The following CTIF variants were observed in gnomAD, a reference collection of about 807,000 sequenced individuals.
CTIF encodes the protein CBP80/20-dependent translation initiation factor.
A neutral mutation model predicts 66.0 loss-of-function variants in CTIF; 21 were observed. That is an observed-to-expected ratio of 0.32 (90% CI 0.23 to 0.46). The LOEUF (loss-of-function observed/expected upper bound fraction) is 0.46. CTIF is among the 20% of genes least tolerant of loss of function. CTIF has a pLI of 1.00. For synonymous variants in CTIF, 345 were observed against 326.4 expected, an observed-to-expected ratio of 1.06 and a Z score of -0.62; for missense variants, 739 against 812.7, an observed-to-expected ratio of 0.91 and a Z score of 1.10.
At chr18:48,554,563 C>T (rs8091762) in intron 1 of CTIF, among the ~76,000 whole-genome samples, 6,291 of 152,316 alleles carry the variant, frequency 0.041, 443 homozygotes, top group African/African-American at 0.14. Context: ...GCAGGATCCA[C>T]GATGGAGGAG....
intron 9 of CTIF, among the ~76,000 whole-genome samples, chr18:48,768,402 G>C (rs1397642467): frequency 1.3e-5 from 2 of 152,138 alleles, no homozygotes; most frequent in Non-Finnish European, 2.9e-5. Flanking sequence ...ATGCTCTCTG[G>C]GGCATGAGGG....
chr18:48,761,707 A>G lies in CTIF; in HGVS notation c.1371+18A>G. 5 of 1,597,048 alleles carry G rather than the reference A, an allele frequency of 3.1e-6. No homozygotes were observed. Among genetic ancestry groups the G allele is most frequent in the Non-Finnish European group, 4.3e-6 (5 of 1,168,256 alleles). On this transcript the variant is annotated intron_variant, in intron 9 of 11. Coordinates refer to ENST00000256413, the MANE Select transcript of CTIF (RefSeq NM_014772.3). This position sits in a 1 kb window ranked among gnomAD's most constrained non-coding sequence, Gnocchi z 4.2. ...TGCTGCAGGTAACTGGACGCCGGCC[A>G]CCACCGCCCCGCGCCCCCTGCCCCT...
intron 2 of CTIF, among the ~76,000 whole-genome samples, chr18:48,632,403 T>C (rs1386074652): frequency 1.3e-5 from 2 of 152,174 alleles, no homozygotes; most frequent in African/African-American, 4.8e-5. Flanking sequence ...GGAATGAGGC[T>C]CTGTGGACTC....
At chr18:48,732,297 G>A (rs1267374373) in intron 7 of CTIF, among the ~76,000 whole-genome samples, 1 of 152,144 alleles carries the variant, frequency 6.6e-6, no homozygotes, top group Non-Finnish European at 1.5e-5. Context: ...ATGCCTCAGG[G>A]GTAACAGAAG....
At chr18:48,584,793 G>A (rs1348719186) in intron 1 of CTIF, among the ~76,000 whole-genome samples, 1 of 152,202 alleles carries the variant, frequency 6.6e-6, no homozygotes, top group East Asian at 1.9e-4. Context: ...TACAAACTGT[G>A]CTTCCTTTAG....
At chr18:48,835,084 G>C (rs2068780001) in intron 10 of CTIF, among the ~76,000 whole-genome samples, 1 of 152,230 alleles carries the variant, frequency 6.6e-6, no homozygotes, top group Non-Finnish European at 1.5e-5. Flanking sequence ...TACTGCCTGG[G>C]ACTTGAAACA....
chr18:48,666,324 G>A (rs753247776), intron 5 of CTIF, among the ~76,000 whole-genome samples: 73 of 152,172 alleles, frequency 4.8e-4, no homozygotes, highest in Non-Finnish European at 2.4e-4. Flanking sequence ...GGCAACATTG[G>A]TCCCATCATA....
At chr18:48,792,213 G>A (rs893369161) in intron 9 of CTIF, among the ~76,000 whole-genome samples, 46 of 152,202 alleles carry the variant, frequency 3.0e-4, no homozygotes, top group Admixed American at 1.8e-3. Context: ...GACCTGGGGA[G>A]CATCCTGGTC....
chr18:48,599,050 C>T (rs2090040226), intron 1 of CTIF, among the ~76,000 whole-genome samples: 1 of 152,150 alleles, frequency 6.6e-6, no homozygotes, highest in Non-Finnish European at 1.5e-5. Flanking sequence ...GAGGACTGCC[C>T]ACCCGACGGG....
At chr18:48,648,243 T>G (rs771863662) in intron 3 of CTIF, among the ~76,000 whole-genome samples, 4 of 152,102 alleles carry the variant, frequency 2.6e-5, no homozygotes, top group Non-Finnish European at 5.9e-5. Context: ...CTTTGGGTCT[T>G]AATTCAAAGA....
intron 7 of CTIF, among the ~76,000 whole-genome samples, chr18:48,728,045 G>A (rs2092400515): frequency 6.6e-6 from 1 of 152,110 alleles, no homozygotes; most frequent in South Asian, 2.1e-4. Flanking sequence ...GCAGGACCCT[G>A]GCTAAAAACT....
intron 5 of CTIF, among the ~76,000 whole-genome samples, 200 bp downstream of exon 5, chr18:48,664,751 A>C (rs1262289914): frequency 1.3e-5 from 2 of 151,742 alleles, no homozygotes; most frequent in Non-Finnish European, 2.9e-5. Flanking sequence ...AGCCCCCTCT[A>C]GCCATGCCAT....
chr18:48,671,051 T>G (rs1004859838), intron 6 of CTIF, among the ~76,000 whole-genome samples: 2 of 152,198 alleles, frequency 1.3e-5, no homozygotes, highest in Non-Finnish European at 2.9e-5. Flanking sequence ...TCCCTTGGCC[T>G]GAAACCTCTC....
chr18:48,652,282 T>C (rs1231587886), intron 3 of CTIF, among the ~76,000 whole-genome samples: 2 of 151,326 alleles, frequency 1.3e-5, no homozygotes, highest in African/African-American at 2.4e-5. Context: ...ATAGATGCAA[T>C]AAAAAATGAT....
chr18:48,623,479 T>A (rs1398071172), intron 2 of CTIF, among the ~76,000 whole-genome samples: 2 of 151,468 alleles, frequency 1.3e-5, no homozygotes, highest in Admixed American at 1.3e-4. Context: ...AGATACTTTT[T>A]AAAAAAATTC....
chr18:48,649,433 A>T (rs868126096), intron 3 of CTIF, among the ~76,000 whole-genome samples: 3 of 152,230 alleles, frequency 2.0e-5, no homozygotes, highest in African/African-American at 7.2e-5. Context: ...TTGAGTAGGT[A>T]AACAGAGCAG....
intron 7 of CTIF, among the ~76,000 whole-genome samples, chr18:48,732,842 G>A (rs1013472542): frequency 3.3e-5 from 5 of 152,234 alleles, no homozygotes; most frequent in African/African-American, 1.2e-4. Context: ...TGCAAGGCAG[G>A]AGGAGGCACA....
intron 2 of CTIF, among the ~76,000 whole-genome samples, chr18:48,622,838 C>T (rs1046419040): frequency 1.1e-4 from 17 of 152,146 alleles, no homozygotes; most frequent in African/African-American, 3.9e-4. Flanking sequence ...TGGCTGGGTA[C>T]CCCCTGTTGT....
At chr18:48,693,453 C>T (rs1407523607) in intron 6 of CTIF, among the ~76,000 whole-genome samples, 2 of 152,188 alleles carry the variant, frequency 1.3e-5, no homozygotes, top group African/African-American at 2.4e-5. Context: ...GGGACCTGGG[C>T]ATCGAGATGT....
Sources: allele counts gnomAD v4.1 joint callset (sites outside exome capture counted in the v4.1 genomes callset), GRCh38; gene constraint gnomAD v4.1.1; non-coding constraint Gnocchi (gnomAD v3.1); transcripts MANE v1.5; gene names NCBI Gene and HGNC (gene_info 2026-07-23, HGNC 2026-07-21).